The following ZCRB1 variants were observed in gnomAD, a reference collection of about 807,000 sequenced individuals.
ZCRB1 encodes zinc finger CCHC-type and RNA binding motif containing 1.
In ZCRB1, 21 loss-of-function variants were observed where a neutral mutation model predicts 29.9. The ratio of observed to expected loss-of-function variants is 0.70; its 90% CI spans 0.50 to 1.01. The LOEUF is 1.01. Ranked by LOEUF, ZCRB1 falls within the 50% of genes least tolerant of loss-of-function variation. The pLI, the probability that ZCRB1 is intolerant of heterozygous loss-of-function variation, is 0.00. For missense variants in ZCRB1, 204 were observed against 253.3 expected (o/e 0.81, Z 1.32); for synonymous variants, 77 against 80.0 (o/e 0.96, Z 0.20).
At chr12:42,318,297 T>A (rs985069491) in intron 3 of ZCRB1, among the ~76,000 whole-genome samples, 1 of 152,356 alleles carries the variant, frequency 6.6e-6, no homozygotes, top group South Asian at 2.1e-4. Flanking sequence ...AAGTATATTC[T>A]TAATATTCTT....
intron 1 of ZCRB1, 152 bp downstream of exon 1, chr12:42,325,772 C>A (rs1367769279): frequency 2.0e-5 from 3 of 152,236 alleles, no homozygotes; most frequent in Admixed American, 6.5e-5. Context: ...TGAAACTATG[C>A]GTTACACGTT....
At position 42,317,339 on chromosome 12, in the gene ZCRB1, C is replaced by T. The variant is rs772627496; in HGVS notation, c.333+1G>A. ...TTCCATTAAGTTTTAGGTTTACTTA[C>T]CCCACATTCATAACACTTAGATTTA... On this transcript the variant is annotated splice_donor_variant, in intron 5 of 7. Transcript: ENST00000266529. LOFTEE classifies it high-confidence loss of function. 1 of 1,600,462 alleles carries T rather than the reference C, an allele frequency of 6.2e-7. No individual in the cohort carries two copies. The highest frequency in any genetic ancestry group is 1.1e-5 in the South Asian group (1 of 88,524).
chr12:42,313,191 T>C lies in ZCRB1; in HGVS notation c.530A>G (p.Lys177Arg). 1 of 1,609,182 alleles carries C rather than the reference T, an allele frequency of 6.2e-7. No homozygotes were observed. Among genetic ancestry groups the C allele is most frequent in the Non-Finnish European group, 8.5e-7 (1 of 1,178,580 alleles). ...LSQAIAFQQA[K>R]IEEEQKKWKP... is the part of the protein sequence containing the mutation. The stretch of plus-strand genomic sequence containing the variant: ...CCATTTTTTTTGTTCTTCTTCAATT[T>C]TGGCTTGCTGTGATTCAAAAAACAA... Residue 177 changes from lysine (K) to arginine (R), a missense_variant, in exon 8 of 8, where the codon AAA becomes AGA. By Grantham distance (26) the Lys-to-Arg change is conservative. Transcript: ENST00000266529.
chr12:42,318,313 G>T (rs1004368700), intron 3 of ZCRB1, among the ~76,000 whole-genome samples: 1 of 152,088 alleles, frequency 6.6e-6, no homozygotes, highest in African/African-American at 2.4e-5. Flanking sequence ...TTCTTTTAAA[G>T]AATCTTCAGA....
intron 1 of ZCRB1, 107 bp from the exon 2 acceptor site, chr12:42,324,211 T>C (rs3747558): frequency 0.6 from 558,703 of 935,352 alleles, 168,317 homozygotes; most frequent in Admixed American, 0.7. Flanking sequence ...TGCAATGGCG[T>C]GATCTCGGCT....
At chr12:42,314,053 G>C (rs1334072698) in intron 5 of ZCRB1, 67 bp from the exon 6 acceptor site, 1 of 1,513,284 alleles carries the variant, frequency 6.6e-7, no homozygotes, top group Non-Finnish European at 8.9e-7. Flanking sequence ...AAACTTGCCT[G>C]GTACCTTATT....
intron 7 of ZCRB1, 85 bp from the exon 8 acceptor site, chr12:42,313,283 C>A: frequency 1.4e-6 from 2 of 1,414,806 alleles, no homozygotes; most frequent in Non-Finnish European, 9.5e-7. Flanking sequence ...AAAAACATAC[C>A]ACAAATGCCA....
At position 42,322,402 on chromosome 12, in the gene ZCRB1, T is replaced by G. The variant is rs770222189; in HGVS notation, c.113+16A>C. 21 of 1,461,722 alleles carry G rather than the reference T, an allele frequency of 1.4e-5. No homozygotes were observed. In the African/African-American group the frequency reaches 3.0e-4, roughly 21 times the overall value. 90.5% of individuals were successfully genotyped at this position (1,461,722 alleles called of 1,614,324 possible). On this transcript the variant is annotated intron_variant, in intron 3 of 7. Transcript: ENST00000266529. Reference sequence around the variant, plus strand: ...AACTTTTAAATGAAGTTACAAAATTTAATGTGAATACTTACTTTACAACTT... The same window carrying G: ...AACTTTTAAATGAAGTTACAAAATTGAATGTGAATACTTACTTTACAACTT...
At chr12:42,319,926 C>A (rs755852572) in intron 3 of ZCRB1, among the ~76,000 whole-genome samples, 4 of 152,148 alleles carry the variant, frequency 2.6e-5, no homozygotes, top group Non-Finnish European at 5.9e-5. Flanking sequence ...ATGTGCTAAG[C>A]ACTAACAGTA....
intron 2 of ZCRB1, 93 bp downstream of exon 2, chr12:42,323,922 GAAAA>G: frequency 2.3e-6 from 2 of 881,938 alleles, no homozygotes; most frequent in Non-Finnish European, 3.3e-6. Context: ...CTCAAAAAAA[GAAAA>G]AAAAAAAAAG....
intron 7 of ZCRB1, among the ~76,000 whole-genome samples, chr12:42,313,405 A>G (rs2068578790): frequency 6.6e-6 from 1 of 152,184 alleles, no homozygotes; most frequent in South Asian, 2.1e-4. Flanking sequence ...TCTTAAAAAA[A>G]TCTTTTCTGT....
Position 42,313,656 on chromosome 12 carries a change from T to C in ZCRB1, c.522+34A>G, listed in dbSNP as rs760403208. 122 of 1,604,424 alleles carry C rather than the reference T, an allele frequency of 7.6e-5. No homozygotes were observed. The East Asian group carries it at 1.9e-3, about 26-fold the overall frequency. Reference sequence around the variant, plus strand: ...CAAGCACTATAAACCAAGTCAACTATTGTATGATGCCTTTTAAAAGAACAA... The same window carrying C: ...CAAGCACTATAAACCAAGTCAACTACTGTATGATGCCTTTTAAAAGAACAA... On this transcript the variant is annotated intron_variant, in intron 7 of 7. Transcript: ENST00000266529.
intron 5 of ZCRB1, among the ~76,000 whole-genome samples, chr12:42,315,462 G>T (rs2068590335): frequency 6.6e-6 from 1 of 152,094 alleles, no homozygotes; most frequent in Admixed American, 6.5e-5. Flanking sequence ...TTAATGAGCT[G>T]CTGAGAAAAT....
chr12:42,322,342 C>G, intron 3 of ZCRB1, 76 bp downstream of exon 3: 1 of 1,278,512 alleles, frequency 7.8e-7, no homozygotes, highest in Non-Finnish European at 1.1e-6. Context: ...TTTTAAAAAT[C>G]TGTCATTAAA....
chr12:42,322,554 C>A, intron 2 of ZCRB1, 108 bp from the exon 3 acceptor site: 1 of 1,188,360 alleles, frequency 8.4e-7, no homozygotes, highest in Non-Finnish European at 1.1e-6. Context: ...TGAATAATTT[C>A]AGCCTTCAGT....
At chr12:42,314,085 A>G in intron 5 of ZCRB1, 99 bp from the exon 6 acceptor site, 1 of 1,258,756 alleles carries the variant, frequency 7.9e-7, no homozygotes, top group South Asian at 1.5e-5. Flanking sequence ...TTCAAATTTA[A>G]AAAGGAATAT....
Position 42,324,005 on chromosome 12 carries a change from T to C in ZCRB1, c.84+14A>G. On this transcript the variant is annotated intron_variant, in intron 2 of 7. Coordinates refer to ENST00000266529, the MANE Select transcript of ZCRB1 (RefSeq NM_033114.4). ...TGTATCTCAAATAGCAGTCACTCGA[T>C]AAGATTTACTTACCCGGTACAAGTC... 2 of 1,606,864 alleles carry C rather than the reference T, an allele frequency of 1.2e-6. No individual in the cohort carries two copies. Among genetic ancestry groups the C allele is most frequent in the Non-Finnish European group, 1.7e-6 (2 of 1,173,616 alleles).
Position 42,313,213 on chromosome 12 carries a change from A to C in ZCRB1, c.523-15T>G. 6.3e-7 allele frequency: 1 copy of C among 1,598,590 alleles called. No homozygotes were observed. The highest frequency in any genetic ancestry group is 8.5e-7 in the Non-Finnish European group (1 of 1,175,450). On this transcript the variant is annotated splice_polypyrimidine_tract_variant and intron_variant, in intron 7 of 7. Coordinates refer to ENST00000266529, the MANE Select transcript of ZCRB1 (RefSeq NM_033114.4). ...ATTTTGGCTTGCTGTGATTCAAAAA[A>C]CAAAACAAAACCAATAACCTGTTTA...
At position 42,317,862 on chromosome 12, in the gene ZCRB1, A is replaced by G; in HGVS notation, c.150T>C (p.Ser50=). The change falls in exon 4 of 8, where the codon AGT becomes AGC. Residue 50 remains serine, a synonymous_variant. Transcript: ENST00000266529. The stretch of plus-strand genomic sequence containing the variant: ...AAAATAAAATAAATGCAACCCCTTT[A>G]CTCTTCCTGGTATCTTTATCTTTCA... The part of the protein sequence containing the change: ...TIMKDKDTRK[S]KGVAFILFLD... 6.2e-7 allele frequency: 1 copy of G among 1,613,770 alleles called. No homozygotes were observed. Among genetic ancestry groups the G allele is most frequent in the Non-Finnish European group, 8.5e-7 (1 of 1,179,870 alleles).
Sources: allele counts gnomAD v4.1 joint callset (sites outside exome capture counted in the v4.1 genomes callset), GRCh38; gene constraint gnomAD v4.1.1; transcripts MANE v1.5; gene names NCBI Gene and HGNC (gene_info 2026-07-23, HGNC 2026-07-21).